TRIO: variants seen among roughly 807,000 people sequenced by gnomAD.
TRIO encodes the protein trio Rho guanine nucleotide exchange factor.
A neutral mutation model predicts 351.9 loss-of-function variants in TRIO; 58 were observed. That is an observed-to-expected ratio of 0.16 (90% CI 0.13 to 0.21). TRIO has a LOEUF of 0.21. TRIO is among the 10% of genes least tolerant of loss of function. TRIO has a pLI of 1.00. For synonymous variants in TRIO, 1,758 were observed against 1,595.7 expected, an observed-to-expected ratio of 1.10 and a Z score of -2.42; for missense variants, 3,201 against 4,027.8, an observed-to-expected ratio of 0.79 and a Z score of 5.56.
intron 34 of TRIO, among the ~76,000 whole-genome samples, chr5:14,443,880 A>C (rs1366048894): frequency 6.6e-6 from 1 of 152,250 alleles, no homozygotes; most frequent in Non-Finnish European, 1.5e-5. Flanking sequence ...TCTACGGATA[A>C]GAGAGTGGAA....
intron 13 of TRIO, among the ~76,000 whole-genome samples, chr5:14,363,101 C>T (rs563930579): frequency 2.0e-5 from 3 of 150,910 alleles, no homozygotes; most frequent in East Asian, 3.9e-4. Flanking sequence ...CAGGTTCAAG[C>T]GATCCTCCTA....
chr5:14,363,686 C>CTGCA (rs753301340), intron 13 of TRIO, 46 bp from the exon 14 acceptor site: 1 of 1,568,926 alleles, frequency 6.4e-7, no homozygotes, highest in Non-Finnish European at 8.7e-7. Context: ...TGAGAGGTGG[C>CTGCA]TGCATGTATA....
chr5:14,208,505 C>T (rs75611837), intron 1 of TRIO, among the ~76,000 whole-genome samples: 4 of 152,102 alleles, frequency 2.6e-5, no homozygotes, highest in Admixed American at 6.5e-5. Flanking sequence ...GGGTATGGGC[C>T]GGTGAGAGGA....
chr5:14,451,636 C>T (rs530968573), intron 34 of TRIO, among the ~76,000 whole-genome samples: 11 of 152,316 alleles, frequency 7.2e-5, no homozygotes, highest in African/African-American at 1.9e-4. Context: ...CTGATTACAC[C>T]GGGACTGCCC....
At chr5:14,438,971 A>T (rs1751813622) in intron 34 of TRIO, among the ~76,000 whole-genome samples, 1 of 152,108 alleles carries the variant, frequency 6.6e-6, no homozygotes. Flanking sequence ...TCACTCCCTC[A>T]TCTGTGCGAT....
At chr5:14,325,151 A>T (rs1740253197) in intron 9 of TRIO, among the ~76,000 whole-genome samples, 1 of 152,230 alleles carries the variant, frequency 6.6e-6, no homozygotes, top group Non-Finnish European at 1.5e-5. Flanking sequence ...TTCAAAGGGA[A>T]AATATCATTT....
chr5:14,500,888 CAAAAAAAAA>C (rs34729667), intron 53 of TRIO, among the ~76,000 whole-genome samples: 1 of 63,572 alleles, frequency 1.6e-5, no homozygotes, highest in Non-Finnish European at 2.8e-5. Context: ...GACTCTGCCT[CAAAAAAAAA>C]AAAAAAAAAA....
At chr5:14,335,602 C>T (rs1044255692) in intron 10 of TRIO, among the ~76,000 whole-genome samples, 2 of 152,330 alleles carry the variant, frequency 1.3e-5, no homozygotes, top group South Asian at 2.1e-4. Context: ...ATTTTAGACA[C>T]GTGTTTACAC....
At chr5:14,408,305 A>T (rs755126413) in intron 33 of TRIO, among the ~76,000 whole-genome samples, 2 of 152,182 alleles carry the variant, frequency 1.3e-5, no homozygotes, top group African/African-American at 4.8e-5. Context: ...TTCCATTTTC[A>T]ATATCCTAGT....
At chr5:14,363,709 T>C in intron 13 of TRIO, 23 bp from the exon 14 acceptor site, 2 of 1,604,712 alleles carry the variant, frequency 1.2e-6, no homozygotes, top group African/African-American at 1.3e-5. Flanking sequence ...TTTTTTGTCT[T>C]GATCTTAAAT....
At chr5:14,306,349 C>CT (rs1319161195) in intron 8 of TRIO, among the ~76,000 whole-genome samples, 6 of 152,096 alleles carry the variant, frequency 3.9e-5, no homozygotes, top group African/African-American at 1.4e-4. Flanking sequence ...AAGTGATAGC[C>CT]TTTTCTATAG....
At chr5:14,370,787 A>T (rs1745039335) in intron 18 of TRIO, among the ~76,000 whole-genome samples, 1 of 152,144 alleles carries the variant, frequency 6.6e-6, no homozygotes, top group African/African-American at 2.4e-5. Context: ...GCTTAAGTTT[A>T]CCAAATGCTG....
chr5:14,390,394 C>G, intron 26 of TRIO, 94 bp downstream of exon 26: 1 of 1,128,916 alleles, frequency 8.9e-7, no homozygotes, highest in Non-Finnish European at 1.3e-6. Context: ...AAGTCACCAT[C>G]TTCTGCTCAT....
Position 14,471,354 on chromosome 5 carries a change from C to A in TRIO, c.5800C>A (p.Gln1934Lys). The change falls in exon 38 of 57, where the codon CAG becomes AAG. Residue 1934 changes from glutamine (Q) to lysine (K), a missense_variant. Transcript: ENST00000344204. ...TCGCCCCAGCTCACTCCTTGTTGAC[C>A]AGGGAGATAGTAGCAGCCCTTCCTT... ...EDRPSSLLVD[Q>K]GDSSSPSFNP... is the part of the protein sequence containing the mutation. The A allele has an allele frequency of 6.2e-7, 1 of 1,614,046 alleles. No homozygotes were observed. Among genetic ancestry groups the A allele is most frequent in the South Asian group, 1.1e-5 (1 of 91,040 alleles).
chr5:14,402,382 G>C (rs1748149489), intron 31 of TRIO, among the ~76,000 whole-genome samples: 1 of 152,226 alleles, frequency 6.6e-6, no homozygotes, highest in South Asian at 2.1e-4. Context: ...CCAGGTACAA[G>C]TTTTCTAGGG....
Position 14,363,926 on chromosome 5 carries a change from T to C in TRIO, c.2586T>C (p.Ser862=). ...AGTATGTCAATGAGGTCCAGGCCTC[T>C]GGTAAGAGGGCTCACTCCATCTGTG... ...LLQYVNEVQA[S]GVELLCDRDV... is the part of the protein sequence containing the mutation. The change falls in exon 14 of 57, where the codon TCT becomes TCC. Residue 862 remains serine, a splice_region_variant and synonymous_variant. Transcript: ENST00000344204. The C allele has an allele frequency of 6.2e-7, 1 of 1,612,528 alleles. No individual in the cohort carries two copies. The highest frequency in any genetic ancestry group is 1.1e-5 in the South Asian group (1 of 90,994).
intron 16 of TRIO, among the ~76,000 whole-genome samples, chr5:14,367,815 A>G (rs1744735472): frequency 1.3e-5 from 2 of 152,222 alleles, no homozygotes; most frequent in African/African-American, 4.8e-5. Flanking sequence ...GCCATTGGAC[A>G]TGCATTAACA....
At chr5:14,144,358 G>T (rs1007792489) in intron 1 of TRIO, among the ~76,000 whole-genome samples, 1 of 152,198 alleles carries the variant, frequency 6.6e-6, no homozygotes, top group African/African-American at 2.4e-5. Flanking sequence ...TGGCTGATTT[G>T]TACCTGGACC....
At chr5:14,235,406 G>A (rs1222693073) in intron 1 of TRIO, among the ~76,000 whole-genome samples, 4 of 152,136 alleles carry the variant, frequency 2.6e-5, no homozygotes, top group Admixed American at 6.5e-5. Context: ...TTGCTTCCTG[G>A]CTGTATTTTC....
Sources: allele counts gnomAD v4.1 joint callset (sites outside exome capture counted in the v4.1 genomes callset), GRCh38; gene constraint gnomAD v4.1.1; transcripts MANE v1.5; gene names NCBI Gene and HGNC (gene_info 2026-07-23, HGNC 2026-07-21).